PRRC2C: variants seen among roughly 807,000 people sequenced by gnomAD.
The protein encoded by PRRC2C is protein PRRC2C.
Under a neutral mutation model 317.2 loss-of-function variants are expected in PRRC2C, and 72 were observed. The observed-to-expected ratio is 0.23, with a 90% confidence interval of 0.19 to 0.28. The LOEUF (loss-of-function observed/expected upper bound fraction) is 0.28. Among genes scored for constraint, PRRC2C ranks in the 10% least tolerant of loss-of-function variants. The pLI, the probability that PRRC2C is intolerant of heterozygous loss-of-function variation, is 1.00. For synonymous variants in PRRC2C, 1,296 were observed against 1,205.9 expected (o/e 1.07, Z -1.55); for missense variants, 3,074 against 3,459.7 (o/e 0.89, Z 2.80).
At chr1:171,588,255 T>C (rs1650511144) in intron 32 of PRRC2C, 124 bp from the exon 33 acceptor site, 1 of 1,069,652 alleles carries the variant, frequency 9.3e-7, no homozygotes, top group African/African-American at 1.6e-5. Flanking sequence ...GTTTTGGTAA[T>C]CATCATAGTA....
In PRRC2C at chr1:171,536,192, A is replaced by G. The variant is rs754442428; in HGVS notation, c.2207A>G (p.Asp736Gly). The change falls in exon 14 of 35, where the codon GAT becomes GGT. Residue 736 changes from aspartate (D) to glycine (G), a missense_variant. Transcript: ENST00000647382. ...CAGCATTTGGCTTCTATGGGTTTTG[A>G]TCCAAGGTGGCTCATGATGCAGTCC... is the stretch of plus-strand genomic sequence containing the variant. ...HPQHLASMGF[D>G]PRWLMMQSYM... 1.9e-6 allele frequency: 3 copies of G among 1,613,162 alleles called. No individual in the cohort carries two copies. In the South Asian group the frequency reaches 3.3e-5, roughly 18 times the overall value.
chr1:171,508,801 TTTG>T (rs1448232088), intron 1 of PRRC2C, among the ~76,000 whole-genome samples: 1 of 152,366 alleles, frequency 6.6e-6, no homozygotes, highest in Non-Finnish European at 1.5e-5. Flanking sequence ...GCTGCTTTGA[TTTG>T]TTGAGTTCTT....
chr1:171,591,109 AG>A, intron 34 of PRRC2C: 1 of 931,824 alleles, frequency 1.1e-6, no homozygotes, highest in Non-Finnish European at 1.3e-6. Flanking sequence ...TTAGTGATCA[AG>A]TGAAGTCGTA....
chr1:171,540,154 T>C lies in PRRC2C; in HGVS notation c.2688T>C (p.Ala896=). The C allele has an allele frequency of 6.2e-7, 1 of 1,613,940 alleles. No homozygotes were observed. Among genetic ancestry groups the C allele is most frequent in the East Asian group, 2.2e-5 (1 of 44,866 alleles). The change falls in exon 16 of 35, where the codon GCT becomes GCC. Residue 896 remains alanine, a synonymous_variant. Coordinates refer to ENST00000647382, the MANE Select transcript of PRRC2C (RefSeq NM_001387844.1). The part of the protein sequence containing the change: ...PHHTDANNQS[A]CFEAPDQKTL... ...ATACTGATGCAAATAATCAGTCTGC[T>C]TGTTTTGAAGCACCTGATCAAAAGA...
At chr1:171,496,495 G>A (rs1007566808) in intron 1 of PRRC2C, among the ~76,000 whole-genome samples, 3 of 151,990 alleles carry the variant, frequency 2.0e-5, no homozygotes, top group African/African-American at 4.8e-5. Flanking sequence ...GAGCCACTGC[G>A]CCTGGCCTGA....
At chr1:171,580,207 A>G (rs536364754) in intron 28 of PRRC2C, among the ~76,000 whole-genome samples, 3 of 152,322 alleles carry the variant, frequency 2.0e-5, no homozygotes, top group Admixed American at 1.3e-4. Flanking sequence ...CAGCAACCCC[A>G]AAACTGTTAG....
At chr1:171,552,692 A>C (rs1458744248) in intron 18 of PRRC2C, among the ~76,000 whole-genome samples, 2 of 152,154 alleles carry the variant, frequency 1.3e-5, no homozygotes, top group Admixed American at 6.6e-5. Flanking sequence ...AATTTTGTCG[A>C]AGGCCTTTTC....
At chr1:171,522,959 C>T (rs1209868384) in intron 7 of PRRC2C, among the ~76,000 whole-genome samples, 2 of 149,084 alleles carry the variant, frequency 1.3e-5, no homozygotes, top group Admixed American at 6.7e-5. Context: ...TTATTCATAT[C>T]GTTATCCTTT....
chr1:171,561,677 AAGAT>A (rs1682741707), intron 20 of PRRC2C, among the ~76,000 whole-genome samples: 1 of 152,210 alleles, frequency 6.6e-6, no homozygotes, highest in Non-Finnish European at 1.5e-5. Flanking sequence ...AGTCTCAAGA[AAGAT>A]CTTAATGAAA....
At position 171,558,110 on chromosome 1, in the gene PRRC2C, C is replaced by T. The variant is rs1404126591; in HGVS notation, c.5998C>T (p.Pro2000Ser). Residue 2000 changes from proline to serine, a missense_variant, in exon 19 of 35, where the codon CCA becomes TCA. Around this residue, in one of 11 missense-constraint regions of PRRC2C, gnomAD observed 640 missense variants for 676.1 expected, o/e 0.95. Coordinates refer to ENST00000647382, the MANE Select transcript of PRRC2C (RefSeq NM_001387844.1). The stretch of plus-strand genomic sequence containing the variant: ...TGAATTATGGGATAACAAGGTGGCC[C>T]CACCAGCTGTGCTGAATGATATCTC... ...TAELWDNKVA[P>S]PAVLNDISKK... 1.2e-6 allele frequency: 2 copies of T among 1,613,576 alleles called. No homozygotes were observed. Among genetic ancestry groups the T allele is most frequent in the Non-Finnish European group, 8.5e-7 (1 of 1,179,578 alleles).
intron 1 of PRRC2C, among the ~76,000 whole-genome samples, chr1:171,503,210 G>A (rs1433749247): frequency 2.6e-5 from 4 of 152,146 alleles, no homozygotes; most frequent in Non-Finnish European, 5.9e-5. Context: ...ATGATAGAGT[G>A]CTCAGTGAAT....
At position 171,587,152 on chromosome 1, in the gene PRRC2C, A is replaced by C; in HGVS notation, c.7899A>C (p.Gln2633His). 1 of 1,611,292 alleles carries C rather than the reference A, an allele frequency of 6.2e-7. No homozygotes were observed. Among genetic ancestry groups the C allele is most frequent in the Non-Finnish European group, 8.5e-7 (1 of 1,178,804 alleles). ...AQAQSLSRPA[Q>H]VSQPFRGLIP... ...CTCAGAGTCTGAGTCGTCCTGCACAAGTAAGCCAGCCTTTCAGAGGATTAA... is the reference window on the plus strand; with the variant it reads ...CTCAGAGTCTGAGTCGTCCTGCACACGTAAGCCAGCCTTTCAGAGGATTAA... The change falls in exon 31 of 35, where the codon CAA becomes CAC. Residue 2633 changes from glutamine to histidine, a missense_variant. Coordinates refer to ENST00000647382, the MANE Select transcript of PRRC2C (RefSeq NM_001387844.1).
chr1:171,535,316 G>A (rs1400802438), intron 12 of PRRC2C, 112 bp from the exon 13 acceptor site: 9 of 871,712 alleles, frequency 1.0e-5, no homozygotes, highest in South Asian at 6.3e-5. Flanking sequence ...TTAGAGTGTC[G>A]AGGATATTTT....
Position 171,522,261 on chromosome 1 carries a change from T to TAA in PRRC2C, c.833+3_833+4dup. ...ACCTTCTTTATCTGAAACAAACAAGTAAGGCTATTAAATGATTAAAGTCTG... is the reference window on the plus strand; with the variant it reads ...ACCTTCTTTATCTGAAACAAACAAGTAAAAGGCTATTAAATGATTAAAGTCTG... On this transcript the variant is annotated splice_region_variant and intron_variant, in intron 7 of 34. Transcript: ENST00000647382. 6.5e-7 allele frequency: 1 copy of TAA among 1,549,526 alleles called. No homozygotes were observed. The highest frequency in any genetic ancestry group is 8.9e-7 in the Non-Finnish European group (1 of 1,123,258).
At chr1:171,566,960 T>G in intron 22 of PRRC2C, 117 bp downstream of exon 22, 1 of 1,134,796 alleles carries the variant, frequency 8.8e-7, no homozygotes, top group Non-Finnish European at 1.2e-6. Flanking sequence ...CTCTATAGAT[T>G]ATTTCCGCAA....
chr1:171,497,853 C>G (rs1011690467), intron 1 of PRRC2C, among the ~76,000 whole-genome samples: 7 of 149,056 alleles, frequency 4.7e-5, no homozygotes, highest in Non-Finnish European at 7.4e-5. Context: ...CTCCTTTTGT[C>G]CCCCAGGCTG....
intron 1 of PRRC2C, among the ~76,000 whole-genome samples, chr1:171,506,143 C>T (rs1419660940): frequency 6.6e-6 from 1 of 152,072 alleles, no homozygotes; most frequent in Non-Finnish European, 1.5e-5. Context: ...GTGATCTGTC[C>T]ACCTTAGCCT....
intron 28 of PRRC2C, among the ~76,000 whole-genome samples, chr1:171,581,948 G>A (rs1440118714): frequency 6.6e-6 from 1 of 152,152 alleles, no homozygotes; most frequent in African/African-American, 2.4e-5. Context: ...GAAGTCTGGG[G>A]TTAGATTCTG....
At chr1:171,503,293 G>A (rs986033940) in intron 1 of PRRC2C, among the ~76,000 whole-genome samples, 1 of 152,138 alleles carries the variant, frequency 6.6e-6, no homozygotes, top group Non-Finnish European at 1.5e-5. Flanking sequence ...GGAGGATGAG[G>A]CAGGTGGATC....
Sources: allele counts gnomAD v4.1 joint callset (sites outside exome capture counted in the v4.1 genomes callset), GRCh38; gene constraint gnomAD v4.1.1; regional missense constraint gnomAD v4.1.1; transcripts MANE v1.5; gene names NCBI Gene and HGNC (gene_info 2026-07-23, HGNC 2026-07-21).